RAB38: variants seen among roughly 807,000 people sequenced by gnomAD.
RAB38 encodes the protein RAB38, member RAS oncogene family.
RAB38 carries 15 observed loss-of-function variants against 18.4 expected under a neutral mutation model. The ratio of observed to expected loss-of-function variants is 0.82; its 90% CI spans 0.55 to 1.26. The LOEUF (loss-of-function observed/expected upper bound fraction) is 1.26, where lower values mean the gene tolerates loss of function less well. RAB38 is among the 50% of genes most tolerant of loss of function. The pLI is 0.00. For missense variants in RAB38, 294 were observed against 267.4 expected (o/e 1.10, Z -0.69); for synonymous variants, 101 against 104.4 (o/e 0.97, Z 0.20).
At chr11:88,047,216 A>G in the RAB38 span, among the ~76,000 whole-genome samples, 1 of 152,006 alleles carries the variant, frequency 6.6e-6, no homozygotes, top group Non-Finnish European at 1.5e-5. Flanking sequence ...GTCTCCCACA[A>G]TTACCATTGT....
At chr11:88,077,926 A>T in the RAB38 span, among the ~76,000 whole-genome samples, 2 of 152,090 alleles carry the variant, frequency 1.3e-5, no homozygotes, top group African/African-American at 4.8e-5. Context: ...TAACCAGAAT[A>T]TAGAGAATAT....
the RAB38 span, among the ~76,000 whole-genome samples, chr11:88,069,540 TG>T: frequency 6.6e-6 from 1 of 152,186 alleles, no homozygotes; most frequent in Admixed American, 6.5e-5. Context: ...AGAACTTTTA[TG>T]TCTAGCCGGA....
At chr11:88,173,644 C>T (rs2134862467) in intron 1 of RAB38, 1 of 985,402 alleles carries the variant, frequency 1.0e-6, no homozygotes, top group East Asian at 1.1e-4. Flanking sequence ...AAATCTGAAT[C>T]CTGAGGACTT....
Position 88,114,127 on chromosome 11 carries a change from A to T in RAB38, c.497T>A (p.Ile166Asn), listed in dbSNP as rs770381011. 1.2e-6 allele frequency: 2 copies of T among 1,614,138 alleles called. No individual in the cohort carries two copies. Among genetic ancestry groups the T allele is most frequent in the Admixed American group, 3.3e-5 (2 of 60,020 alleles). ...CACCAGGCATCTGGAGGCTTCATCAATGTTTATATTTTCCTATGAGGGAAA... is the reference window on the plus strand; with the variant it reads ...CACCAGGCATCTGGAGGCTTCATCATTGTTTATATTTTCCTATGAGGGAAA... The part of the protein sequence containing the change: ...FETSAKENIN[I>N]DEASRCLVKH... The change falls in exon 3 of 3, where the codon ATT becomes AAT. Residue 166 changes from isoleucine to asparagine, a missense_variant. Coordinates refer to ENST00000243662, the MANE Select transcript of RAB38 (RefSeq NM_022337.3).
At chr11:88,032,842 A>G in the RAB38 span, among the ~76,000 whole-genome samples, 4 of 152,260 alleles carry the variant, frequency 2.6e-5, no homozygotes, top group South Asian at 2.1e-4. Flanking sequence ...ATCTAGAACT[A>G]GAAATACCAT....
the RAB38 span, among the ~76,000 whole-genome samples, chr11:88,093,487 G>GA: frequency 2.0e-5 from 3 of 150,952 alleles, no homozygotes; most frequent in South Asian, 2.1e-4. Context: ...TGTATAGTTT[G>GA]AAAAAAAAAA....
the RAB38 span, among the ~76,000 whole-genome samples, chr11:87,935,619 GT>G: frequency 6.6e-6 from 1 of 152,098 alleles, no homozygotes; most frequent in Admixed American, 6.6e-5. Flanking sequence ...TAGCCTTACT[GT>G]TTTCCCCAGT....
At chr11:87,852,948 T>C in the RAB38 span, among the ~76,000 whole-genome samples, 85 of 140,678 alleles carry the variant, frequency 6.0e-4, no homozygotes, top group African/African-American at 2.3e-3. Flanking sequence ...TTAACATCTA[T>C]CTTGCATATG....
At chr11:88,038,722 G>T in the RAB38 span, among the ~76,000 whole-genome samples, 1 of 152,012 alleles carries the variant, frequency 6.6e-6, no homozygotes, top group Non-Finnish European at 1.5e-5. Context: ...TTATATATCT[G>T]CAAAATCTGT....
At chr11:87,901,521 A>G in the RAB38 span, among the ~76,000 whole-genome samples, 2 of 151,606 alleles carry the variant, frequency 1.3e-5, no homozygotes, top group African/African-American at 2.4e-5. Context: ...CTCTATAAAC[A>G]TCAGCCTGAA....
chr11:87,894,370 A>G, the RAB38 span, among the ~76,000 whole-genome samples: 2 of 151,698 alleles, frequency 1.3e-5, no homozygotes, highest in Admixed American at 1.3e-4. Context: ...TATATTTACT[A>G]TAGTAGCCTT....
chr11:88,132,376 T>A (rs1271267980), intron 2 of RAB38, among the ~76,000 whole-genome samples: 1 of 152,202 alleles, frequency 6.6e-6, no homozygotes, highest in Admixed American at 6.5e-5. Context: ...ATGCTATAAA[T>A]GAGCTCTTCT....
the RAB38 span, among the ~76,000 whole-genome samples, chr11:87,830,930 C>T: frequency 6.6e-6 from 1 of 152,046 alleles, no homozygotes; most frequent in Admixed American, 6.6e-5. Context: ...TCCCAAGTAG[C>T]TGGGACTATA....
At chr11:88,027,716 T>C in the RAB38 span, among the ~76,000 whole-genome samples, 577 of 152,296 alleles carry the variant, frequency 3.8e-3, 1 homozygote, top group African/African-American at 0.013. Flanking sequence ...ACAAAGCAGC[T>C]GGGAAGCTCC....
the RAB38 span, among the ~76,000 whole-genome samples, chr11:87,975,131 T>C: frequency 2.6e-5 from 4 of 151,928 alleles, no homozygotes; most frequent in Admixed American, 6.6e-5. Flanking sequence ...TCTCTGTGTA[T>C]TTCTCTGCAT....
chr11:88,153,543 G>C (rs1229785363), intron 1 of RAB38, among the ~76,000 whole-genome samples: 1 of 152,064 alleles, frequency 6.6e-6, no homozygotes, highest in Non-Finnish European at 1.5e-5. Context: ...CTGGACCCCT[G>C]GCAGCTCCCT....
the RAB38 span, among the ~76,000 whole-genome samples, chr11:88,054,730 A>C: frequency 6.6e-6 from 1 of 152,232 alleles, no homozygotes; most frequent in African/African-American, 2.4e-5. Flanking sequence ...GGAAAGTAAC[A>C]TCTGAGCACA....
At chr11:88,129,748 G>T (rs1159912250) in intron 2 of RAB38, among the ~76,000 whole-genome samples, 1 of 152,156 alleles carries the variant, frequency 6.6e-6, no homozygotes, top group Non-Finnish European at 1.5e-5. Flanking sequence ...ATAAGATGGA[G>T]TTATTTTTAA....
the RAB38 span, among the ~76,000 whole-genome samples, chr11:88,003,720 A>T: frequency 4.8e-4 from 1 of 2,068 alleles, no homozygotes; most frequent in African/African-American, 3.8e-3. Flanking sequence ...TATTATATAT[A>T]ATATATAATA....
Sources: gnomAD v4.1 joint callset for allele counts (sites outside exome capture counted in the v4.1 genomes callset) on GRCh38, gnomAD v4.1.1 for gene constraint, MANE v1.5 for transcripts, NCBI Gene and HGNC (gene_info 2026-07-23, HGNC 2026-07-21) for gene names.